The following ATAD2B variants were observed in gnomAD, a reference collection of about 807,000 sequenced individuals.
The protein encoded by ATAD2B is ATPase family AAA domain containing 2B, also known as ATPase family AAA domain-containing protein 2B.
Under a neutral mutation model 167.6 loss-of-function variants are expected in ATAD2B, and 40 were observed. That is an observed-to-expected ratio of 0.24 (90% CI 0.19 to 0.31). ATAD2B has a LOEUF of 0.31. ATAD2B is among the 10% of genes least tolerant of loss of function. ATAD2B has a pLI of 1.00. For missense variants in ATAD2B, 1,242 were observed against 1,757.2 expected (o/e 0.71, Z 5.24); for synonymous variants, 579 against 596.5 (o/e 0.97, Z 0.43).
intron 1 of ATAD2B, among the ~76,000 whole-genome samples, chr2:23,911,847 T>C (rs1284744382): frequency 6.6e-6 from 1 of 151,800 alleles, no homozygotes; most frequent in South Asian, 2.1e-4. Flanking sequence ...TGGTGGTGCA[T>C]GCCTGTAACC....
intron 15 of ATAD2B, among the ~76,000 whole-genome samples, 191 bp from the exon 16 acceptor site, chr2:23,823,760 T>C (rs1161404810): frequency 2.0e-5 from 3 of 150,928 alleles, no homozygotes; most frequent in Non-Finnish European, 4.4e-5. Context: ...AAGGGCTGAA[T>C]ACTTACATTA....
chr2:23,773,349 T>C (rs990509226), intron 22 of ATAD2B, among the ~76,000 whole-genome samples: 1 of 151,696 alleles, frequency 6.6e-6, no homozygotes, highest in African/African-American at 2.4e-5. Flanking sequence ...CTGCAAAAAA[T>C]TAAAAAGTTA....
At position 23,926,914 on chromosome 2, in the gene ATAD2B, C is replaced by A; in HGVS notation, c.-144G>T. The A allele has an allele frequency of 9.9e-7, 1 of 1,006,152 alleles. No homozygotes were observed. 62.3% of individuals were successfully genotyped at this position (1,006,152 alleles called of 1,614,324 possible). A position where few individuals can be genotyped will look rare whatever the true frequency, so the allele number is the denominator to read the frequency against. On this transcript the variant is annotated 5_prime_UTR_variant, in exon 1 of 28. Transcript: ENST00000238789. ...GGAGCGTGCGGAGCGCAGACGAGCA[C>A]AAGAGAGAGCCGGGCAGAGGAAGGG...
At position 23,926,832 on chromosome 2, in the gene ATAD2B, C is replaced by T; in HGVS notation, c.-62G>A. The T allele has an allele frequency of 6.9e-7, 1 of 1,448,738 alleles. No individual in the cohort carries two copies. The highest frequency in any genetic ancestry group is 2.8e-5 in the Admixed American group (1 of 35,484). 89.7% of individuals were successfully genotyped at this position (1,448,738 alleles called of 1,614,324 possible). ...GGAGAGCCGAGCAAGGCCGGCCCGC[C>T]GGCCGGTCAGTCAGGGCCAGCGGAG... On this transcript the variant is annotated 5_prime_UTR_variant, in exon 1 of 28. Transcript: ENST00000238789.
chr2:23,779,721 G>A (rs942175825), intron 22 of ATAD2B, among the ~76,000 whole-genome samples: 8 of 152,062 alleles, frequency 5.3e-5, no homozygotes, highest in African/African-American at 1.7e-4. Context: ...ATCTACATAT[G>A]ATTAAAATAA....
At position 23,835,860 on chromosome 2, in the gene ATAD2B, C is replaced by T. The variant is rs144362381; in HGVS notation, c.1569-1782G>A. Among the ~76,000 whole-genome samples, 499 of 151,822 alleles carry T rather than the reference C, an allele frequency of 3.3e-3. 4 individuals are homozygous for T. The highest frequency in any genetic ancestry group is 0.012 in the African/African-American group (485 of 41,352). ...CTGAGGCAGGAGAATCACTTGAATC[C>T]AGGAGGTGGAGGTTGCAGTGAGCTG... On this transcript the variant is annotated intron_variant, in intron 13 of 27. Transcript: ENST00000238789.
At chr2:23,812,734 G>A (rs188279077) in intron 17 of ATAD2B, among the ~76,000 whole-genome samples, 2 of 151,682 alleles carry the variant, frequency 1.3e-5, no homozygotes, top group East Asian at 1.9e-4. Context: ...GTGGTGGCAC[G>A]TGCCTGTAGT....
intron 13 of ATAD2B, among the ~76,000 whole-genome samples, chr2:23,848,595 T>C (rs146115089): frequency 1.3e-5 from 2 of 152,308 alleles, no homozygotes; most frequent in East Asian, 1.9e-4. Context: ...TGAAGGTAGA[T>C]GGTTACAAGT....
chr2:23,874,544 A>G (rs997844238), intron 8 of ATAD2B, among the ~76,000 whole-genome samples: 1 of 151,978 alleles, frequency 6.6e-6, no homozygotes, highest in Non-Finnish European at 1.5e-5. Context: ...CTCTACAAAC[A>G]ATATAAAAAT....
chr2:23,805,163 GA>G (rs1472681356), intron 18 of ATAD2B, among the ~76,000 whole-genome samples: 32 of 148,380 alleles, frequency 2.2e-4, no homozygotes, highest in Admixed American at 2.1e-3. Flanking sequence ...AAAAAGAAAA[GA>G]AAAGAAAATA....
At chr2:23,839,030 T>C (rs1002808076) in intron 13 of ATAD2B, among the ~76,000 whole-genome samples, 5 of 152,182 alleles carry the variant, frequency 3.3e-5, no homozygotes, top group African/African-American at 1.2e-4. Context: ...TCATAGAAAC[T>C]TTTTGCTAAT....
At chr2:23,770,952 T>C (rs976517465) in intron 22 of ATAD2B, among the ~76,000 whole-genome samples, 5 of 152,210 alleles carry the variant, frequency 3.3e-5, no homozygotes, top group African/African-American at 2.4e-5. Flanking sequence ...ATGTTGAGTC[T>C]TCCAATCCAT....
At chr2:23,905,768 C>T (rs529896273) in intron 1 of ATAD2B, among the ~76,000 whole-genome samples, 2 of 152,288 alleles carry the variant, frequency 1.3e-5, no homozygotes, top group South Asian at 4.1e-4. Flanking sequence ...TTATTAATTA[C>T]TTTCAATAAT....
the ATAD2B span, among the ~76,000 whole-genome samples, chr2:23,743,082 T>G: frequency 6.8e-6 from 1 of 146,212 alleles, no homozygotes; most frequent in Non-Finnish European, 1.5e-5. Flanking sequence ...ATACAGGATA[T>G]AAATGAGAAA....
At chr2:23,715,815 T>C in the ATAD2B span, among the ~76,000 whole-genome samples, 1 of 152,200 alleles carries the variant, frequency 6.6e-6, no homozygotes, top group Non-Finnish European at 1.5e-5. Flanking sequence ...ATTACTCCTT[T>C]CTTTGGTCCA....
rs1417771376 is a variant in ATAD2B at position 23,855,256 on chromosome 2, A to C, written c.1568+2159T>G. ...GACACACAATCTAATTTCTAGTTTT[A>C]AAAAATGGCGCAAAAGATTTACAGA... is the stretch of plus-strand genomic sequence containing the variant. On this transcript the variant is annotated intron_variant, in intron 13 of 27. Coordinates refer to ENST00000238789, the MANE Select transcript of ATAD2B (RefSeq NM_017552.4). Among the ~76,000 whole-genome samples, 3 of 152,152 alleles carry C rather than the reference A, an allele frequency of 2.0e-5. No individual in the cohort carries two copies. The East Asian group carries it at 5.8e-4, about 29-fold the overall frequency.
At chr2:23,913,985 T>G (rs764517698) in intron 1 of ATAD2B, among the ~76,000 whole-genome samples, 1 of 151,946 alleles carries the variant, frequency 6.6e-6, no homozygotes, top group African/African-American at 2.4e-5. Flanking sequence ...CACACCAGTA[T>G]GGACCAGGCA....
intron 13 of ATAD2B, among the ~76,000 whole-genome samples, chr2:23,853,807 A>G (rs2149927977): frequency 6.6e-6 from 1 of 152,364 alleles, no homozygotes; most frequent in Non-Finnish European, 1.5e-5. Flanking sequence ...ACAGTGGTAT[A>G]AGGATAGACC....
intron 6 of ATAD2B, among the ~76,000 whole-genome samples, chr2:23,882,357 G>A (rs1397134875): frequency 2.6e-5 from 4 of 151,758 alleles, no homozygotes; most frequent in Admixed American, 1.3e-4. Flanking sequence ...CACAATGCCC[G>A]GCTAATTTTT....
Sources: allele counts gnomAD v4.1 joint callset (sites outside exome capture counted in the v4.1 genomes callset), GRCh38; gene constraint gnomAD v4.1.1; transcripts MANE v1.5; gene names NCBI Gene and HGNC (gene_info 2026-07-23, HGNC 2026-07-21).